CNTN4: variants seen among roughly 807,000 people sequenced by gnomAD.
The protein encoded by CNTN4 is contactin-4.
In CNTN4, 77 loss-of-function variants were observed where a neutral mutation model predicts 122.5. The ratio of observed to expected loss-of-function variants is 0.63; its 90% CI spans 0.52 to 0.76. The LOEUF (loss-of-function observed/expected upper bound fraction) is 0.76, where lower values mean the gene tolerates loss of function less well. Among genes scored for constraint, CNTN4 ranks in the 30% least tolerant of loss-of-function variants. The pLI is 0.00. For synonymous variants in CNTN4, 512 were observed against 447.0 expected (o/e 1.15, Z -1.83); for missense variants, 1,256 against 1,259.1 (o/e 1.00, Z 0.04).
chr3:2,296,753 G>C (rs2042327749), intron 2 of CNTN4, among the ~76,000 whole-genome samples: 1 of 150,264 alleles, frequency 6.7e-6, no homozygotes, highest in African/African-American at 2.5e-5. Flanking sequence ...ATATGCAACA[G>C]GTGTTTGTTT....
At chr3:2,801,280 C>G (rs2092340121) in intron 6 of CNTN4, among the ~76,000 whole-genome samples, 1 of 152,172 alleles carries the variant, frequency 6.6e-6, no homozygotes, top group Non-Finnish European at 1.5e-5. Flanking sequence ...CACAGTATTT[C>G]CATATAGAAC....
chr3:2,796,840 G>A (rs1392773041), intron 6 of CNTN4, among the ~76,000 whole-genome samples: 1 of 152,138 alleles, frequency 6.6e-6, no homozygotes, highest in Admixed American at 6.5e-5. Context: ...TAGTCATCCT[G>A]ACTTTATAGC....
chr3:2,918,407 G>A (rs191542197), intron 12 of CNTN4, among the ~76,000 whole-genome samples: 369 of 152,292 alleles, frequency 2.4e-3, no homozygotes, highest in Non-Finnish European at 4.3e-3. Context: ...TGCCGAACAA[G>A]ACCCAAATCT....
rs1246996304 is a variant in CNTN4 at position 2,340,616 on chromosome 3, G to C, written c.-89+1383G>C. ...GATCACTTGGGCCTGGGAGGTCAAG[G>C]CTGCAACGAGTTGTTATTGCACCAC... On this transcript the variant is annotated intron_variant, in intron 3 of 24. Transcript: ENST00000418658. Among the ~76,000 whole-genome samples the C allele has an allele frequency of 1.0e-4, 15 of 148,228 alleles. No homozygotes were observed. In the East Asian group the frequency reaches 1.8e-3, roughly 18 times the overall value.
chr3:2,868,315 C>T (rs1235771818), intron 8 of CNTN4, among the ~76,000 whole-genome samples: 1 of 152,160 alleles, frequency 6.6e-6, no homozygotes, highest in Non-Finnish European at 1.5e-5. Context: ...CCAAGATTTC[C>T]ACCCAGCACC....
chr3:2,501,017 A>G (rs899891803), intron 3 of CNTN4, among the ~76,000 whole-genome samples: 1 of 152,108 alleles, frequency 6.6e-6, no homozygotes, highest in Admixed American at 6.6e-5. Context: ...TGTATTTTAT[A>G]TCTTTCAGGT....
intron 3 of CNTN4, among the ~76,000 whole-genome samples, chr3:2,511,092 A>C (rs1000826584): frequency 6.6e-5 from 10 of 152,160 alleles, no homozygotes; most frequent in East Asian, 3.9e-4. Flanking sequence ...AGAAGAGATG[A>C]TGCTGCTACC....
At chr3:2,944,551 A>C (rs1034357729) in intron 13 of CNTN4, among the ~76,000 whole-genome samples, 1 of 152,190 alleles carries the variant, frequency 6.6e-6, no homozygotes, top group Admixed American at 6.5e-5. Context: ...CTCTCCTTGA[A>C]TACTAGACTC....
intron 6 of CNTN4, among the ~76,000 whole-genome samples, chr3:2,766,154 A>G (rs1340381501): frequency 6.6e-6 from 1 of 151,946 alleles, no homozygotes; most frequent in Non-Finnish European, 1.5e-5. Flanking sequence ...TGTCTCTGCC[A>G]CTCTGGTTAA....
rs191361133 is a variant in CNTN4, at chr3:2,592,619, A to C, written c.55+21061A>C. Among the ~76,000 whole-genome samples the C allele has an allele frequency of 1.7e-3, 253 of 152,248 alleles. 1 individual carries two copies. Among genetic ancestry groups the C allele is most frequent in the African/African-American group, 5.0e-3 (209 of 41,498 alleles). On this transcript the variant is annotated intron_variant, in intron 4 of 24. Coordinates refer to ENST00000418658, the MANE Select transcript of CNTN4 (RefSeq NM_175607.3). ...TCTTTTTGCCTGCCAACATCCATGT[A>C]AGACAGAACTTTGTGCCTCCTTTCC...
chr3:2,814,293 G>A (rs2092680180), intron 6 of CNTN4, among the ~76,000 whole-genome samples: 1 of 152,346 alleles, frequency 6.6e-6, no homozygotes, highest in Non-Finnish European at 1.5e-5. Flanking sequence ...GTGCACGGAT[G>A]TTAATTCCTT....
chr3:2,487,706 A>G (rs2076202482), intron 3 of CNTN4, among the ~76,000 whole-genome samples: 1 of 152,170 alleles, frequency 6.6e-6, no homozygotes, highest in Admixed American at 6.5e-5. Flanking sequence ...TACTACATTG[A>G]TATTGATCTC....
intron 4 of CNTN4, among the ~76,000 whole-genome samples, chr3:2,639,772 G>A (rs2082822144): frequency 2.6e-5 from 4 of 152,112 alleles, no homozygotes; most frequent in Admixed American, 2.6e-4. Context: ...TCTATAAAAG[G>A]TTGAAATACA....
intron 3 of CNTN4, among the ~76,000 whole-genome samples, chr3:2,363,329 A>C (rs915040169): frequency 1.3e-5 from 2 of 152,208 alleles, no homozygotes; most frequent in Admixed American, 1.3e-4. Flanking sequence ...CTTCCTCTAA[A>C]GCAGGTGTTT....
chr3:2,853,730 C>T (rs533693119), intron 7 of CNTN4, among the ~76,000 whole-genome samples: 1 of 152,192 alleles, frequency 6.6e-6, no homozygotes, highest in Non-Finnish European at 1.5e-5. Flanking sequence ...TGCGCTCGCT[C>T]TCTGTTTTGG....
intron 2 of CNTN4, among the ~76,000 whole-genome samples, chr3:2,129,895 T>C (rs2034370026): frequency 6.6e-6 from 1 of 151,980 alleles, no homozygotes; most frequent in African/African-American, 2.4e-5. Context: ...ATTGCATTTG[T>C]GGCAGATAGA....
intron 14 of CNTN4, chr3:2,988,838 G>C (rs969074838): frequency 1.2e-5 from 3 of 257,104 alleles, no homozygotes; most frequent in African/African-American, 6.8e-5. Context: ...CAAGACTCAT[G>C]TACTATTTTT....
intron 10 of CNTN4, among the ~76,000 whole-genome samples, chr3:2,898,378 T>G (rs1478716980): frequency 1.3e-5 from 2 of 152,184 alleles, no homozygotes; most frequent in Non-Finnish European, 2.9e-5. Flanking sequence ...TTTGTTGATT[T>G]CACCTTGGCC....
chr3:2,575,388 A>G (rs763809858), intron 4 of CNTN4, among the ~76,000 whole-genome samples: 4 of 151,726 alleles, frequency 2.6e-5, no homozygotes, highest in Non-Finnish European at 4.4e-5. Context: ...GTGCACGTCT[A>G]TAATGTCAGC....
Sources: gnomAD v4.1 joint callset for allele counts (sites outside exome capture counted in the v4.1 genomes callset) on GRCh38, gnomAD v4.1.1 for gene constraint, MANE v1.5 for transcripts, NCBI Gene and HGNC (gene_info 2026-07-23, HGNC 2026-07-21) for gene names.